The following RAB3GAP1 variants were observed in gnomAD, a reference collection of about 807,000 sequenced individuals.
The protein encoded by RAB3GAP1 is RAB3 GTPase activating protein catalytic subunit 1.
A neutral mutation model predicts 130.7 loss-of-function variants in RAB3GAP1; 86 were observed. The ratio of observed to expected loss-of-function variants is 0.66; its 90% CI spans 0.55 to 0.79. The LOEUF (loss-of-function observed/expected upper bound fraction) is 0.79, where lower values mean the gene tolerates loss of function less well. Ranked by LOEUF, RAB3GAP1 falls within the 30% of genes least tolerant of loss-of-function variation. The pLI is 0.00. For missense variants in RAB3GAP1, 1,029 were observed against 1,169.4 expected, an observed-to-expected ratio of 0.88 and a Z score of 1.75; for synonymous variants, 367 against 401.7, an observed-to-expected ratio of 0.91 and a Z score of 1.03.
chr2:135,112,234 C>T (rs1007441983), intron 5 of RAB3GAP1, among the ~76,000 whole-genome samples: 13 of 152,218 alleles, frequency 8.5e-5, no homozygotes, highest in Non-Finnish European at 1.6e-4. Context: ...ATACTGCCTT[C>T]CACAAGGGTT....
chr2:135,120,861 C>T lies in RAB3GAP1; in HGVS notation c.691C>T (p.Arg231Ter), dbSNP rs1310680343. The part of the protein sequence containing the change: ...TPLPPVSIAI[R>*]FTYVLQDWQQ... Reference sequence around the variant, plus strand: ...ATTGCCTCCAGTTAGTATTGCTATTCGATTTACCTATGTACTTCAAGATTG... The same window carrying T: ...ATTGCCTCCAGTTAGTATTGCTATTTGATTTACCTATGTACTTCAAGATTG... Residue 231 changes from arginine (R) to a stop codon, truncating the protein, a stop_gained, in exon 8 of 24, where the codon CGA becomes TGA. Coordinates refer to ENST00000264158, the MANE Select transcript of RAB3GAP1 (RefSeq NM_012233.3). LOFTEE classifies it high-confidence loss of function. 47 of 1,613,080 alleles carry T rather than the reference C, an allele frequency of 2.9e-5. No individual in the cohort carries two copies. The highest frequency in any genetic ancestry group is 4.5e-5 in the East Asian group (2 of 44,860).
intron 3 of RAB3GAP1, among the ~76,000 whole-genome samples, chr2:135,069,073 G>A (rs1478326284): frequency 6.6e-6 from 1 of 152,130 alleles, no homozygotes; most frequent in Admixed American, 6.5e-5. Flanking sequence ...GGCATACAGA[G>A]GGTGTAATTT....
chr2:135,103,024 T>A (rs796085588), intron 5 of RAB3GAP1, among the ~76,000 whole-genome samples: 28 of 107,180 alleles, frequency 2.6e-4, no homozygotes, highest in African/African-American at 6.4e-4. Flanking sequence ...AAAAAAAAAA[T>A]CATTTTTGTG....
In RAB3GAP1 at chr2:135,125,137, G is replaced by A. The variant is rs575670697; in HGVS notation, c.830+891G>A. Among the ~76,000 whole-genome samples, 6 of 152,182 alleles carry A rather than the reference G, an allele frequency of 3.9e-5. No individual in the cohort carries two copies. In the South Asian group the frequency reaches 8.3e-4, roughly 21 times the overall value. On this transcript the variant is annotated intron_variant, in intron 9 of 23. Transcript: ENST00000264158. ...TTCCCCTTAGTCTTCTCAGCCCTCC[G>A]GCTCTAGGCAAACACTGATATACTT...
intron 3 of RAB3GAP1, among the ~76,000 whole-genome samples, chr2:135,060,910 GC>G (rs1212507618): frequency 6.6e-6 from 1 of 150,948 alleles, no homozygotes; most frequent in Non-Finnish European, 1.5e-5. Context: ...CACCACGTTG[GC>G]CAGGCTGGTC....
intron 5 of RAB3GAP1, among the ~76,000 whole-genome samples, chr2:135,102,543 C>A (rs1023219244): frequency 6.6e-6 from 1 of 152,182 alleles, no homozygotes; most frequent in Non-Finnish European, 1.5e-5. Context: ...TGGAACAATA[C>A]ACTGAAAGCA....
chr2:135,168,023 A>G (rs1692710016), intron 23 of RAB3GAP1, among the ~76,000 whole-genome samples: 1 of 152,224 alleles, frequency 6.6e-6, no homozygotes, highest in South Asian at 2.1e-4. Context: ...TCATTGCTAT[A>G]TGGGCCTCTA....
Position 135,130,573 on chromosome 2 carries a change from C to CTGTCAAT in RAB3GAP1, c.1089_1090insGTCAATT (p.Leu364ValfsTer16). 6.2e-7 allele frequency: 1 copy of CTGTCAAT among 1,613,406 alleles called. No individual in the cohort carries two copies. The highest frequency in any genetic ancestry group is 8.5e-7 in the Non-Finnish European group (1 of 1,179,572). On this transcript the variant is annotated frameshift_variant, in exon 13 of 24. Transcript: ENST00000264158. LOFTEE classifies it high-confidence loss of function. The stretch of plus-strand genomic sequence containing the variant: ...ATAGAAACTGCTGATATAACTCATG[C>CTGTCAAT]TTTGTCAAAATTGACAGAGCCGGCA...
intron 19 of RAB3GAP1, chr2:135,162,338 G>A (rs1692485806): frequency 1.8e-6 from 1 of 541,038 alleles, no homozygotes; most frequent in Non-Finnish European, 3.3e-6. Context: ...TATTACATAA[G>A]AAAGCAGAAA....
chr2:135,157,788 T>C (rs6747073), intron 19 of RAB3GAP1, among the ~76,000 whole-genome samples: 70,482 of 148,172 alleles, frequency 0.48, 20,432 homozygotes, highest in African/African-American at 0.75. Context: ...GCCGAGATCG[T>C]GTCACTGCAC....
In RAB3GAP1 at chr2:135,133,923, T is replaced by A. The variant is rs1212890953; in HGVS notation, c.1389T>A (p.Cys463Ter). 6.2e-7 allele frequency: 1 copy of A among 1,613,862 alleles called. No homozygotes were observed. The highest frequency in any genetic ancestry group is 1.7e-5 in the Admixed American group (1 of 60,032). The change falls in exon 15 of 24, where the codon TGT (cysteine) becomes TGA (stop). Residue 463 changes from cysteine to a stop codon, truncating the protein, a stop_gained. Transcript: ENST00000264158. LOFTEE classifies it high-confidence loss of function. ...GTTTAACATACAAACTGGCTTTGTG[T>A]CTCTGTATGATCAATTTTTACCATG... is the stretch of plus-strand genomic sequence containing the variant. ...SDSLTYKLAL[C>*]LCMINFYHGG... is the part of the protein sequence containing the mutation.
At chr2:135,098,026 C>T (rs532843380) in intron 5 of RAB3GAP1, among the ~76,000 whole-genome samples, 1 of 152,302 alleles carries the variant, frequency 6.6e-6, no homozygotes, top group Non-Finnish European at 1.5e-5. Flanking sequence ...TTTCTACATC[C>T]TTACCAGCAC....
chr2:135,135,911 T>G lies in RAB3GAP1; in HGVS notation c.1902T>G (p.Pro634=). 6.2e-7 allele frequency: 1 copy of G among 1,614,008 alleles called. No homozygotes were observed. Among genetic ancestry groups the G allele is most frequent in the African/African-American group, 1.3e-5 (1 of 75,068 alleles). ...GKLTLLHNGE[P]LYIPVTQEPA... ...TTACACTGCTGCATAATGGAGAACC[T>G]CTCTACATTCCAGTAACCCAGGTAG... Residue 634 remains proline (P), a synonymous_variant, in exon 17 of 24, where the codon CCT becomes CCG. Transcript: ENST00000264158.
chr2:135,125,255 C>G, intron 9 of RAB3GAP1, among the ~76,000 whole-genome samples: 1 of 152,236 alleles, frequency 6.6e-6, no homozygotes, highest in South Asian at 2.1e-4. Flanking sequence ...TTTTAATTAG[C>G]ATGTTTTCAA....
At chr2:135,063,878 A>G (rs961831590) in intron 3 of RAB3GAP1, among the ~76,000 whole-genome samples, 3 of 151,980 alleles carry the variant, frequency 2.0e-5, no homozygotes, top group Non-Finnish European at 4.4e-5. Flanking sequence ...GCTATTTTTA[A>G]CTTTCTGGGG....
At chr2:135,139,993 C>A (rs1691790800) in intron 17 of RAB3GAP1, among the ~76,000 whole-genome samples, 1 of 152,130 alleles carries the variant, frequency 6.6e-6, no homozygotes, top group African/African-American at 2.4e-5. Flanking sequence ...ATTGTGTACT[C>A]TTTCGTTGTA....
At chr2:135,065,685 A>G (rs1009422786) in intron 3 of RAB3GAP1, among the ~76,000 whole-genome samples, 1 of 151,958 alleles carries the variant, frequency 6.6e-6, no homozygotes, top group Non-Finnish European at 1.5e-5. Flanking sequence ...GGCATATCTC[A>G]TATGTATGCG....
At chr2:135,130,866 G>A (rs1376537280) in intron 13 of RAB3GAP1, 145 bp downstream of exon 13, 3 of 766,546 alleles carry the variant, frequency 3.9e-6, no homozygotes, top group South Asian at 3.5e-5. Flanking sequence ...TACTAGTTTA[G>A]TGGTGAGAAG....
intron 17 of RAB3GAP1, among the ~76,000 whole-genome samples, chr2:135,141,940 T>C (rs1691854457): frequency 6.6e-6 from 1 of 152,184 alleles, no homozygotes; most frequent in African/African-American, 2.4e-5. Context: ...CTGTCATCAT[T>C]ATTGTAGCTT....
Sources: gnomAD v4.1 joint callset for allele counts (sites outside exome capture counted in the v4.1 genomes callset) on GRCh38, gnomAD v4.1.1 for gene constraint, MANE v1.5 for transcripts, NCBI Gene and HGNC (gene_info 2026-07-23, HGNC 2026-07-21) for gene names.